HERC5: variants seen among roughly 807,000 people sequenced by gnomAD.
HERC5 encodes the protein HECT and RLD domain containing E3 ubiquitin protein ligase 5.
HERC5 carries 99 observed loss-of-function variants against 119.6 expected under a neutral mutation model. That is an observed-to-expected ratio of 0.83 (90% CI 0.70 to 0.98). The LOEUF is 0.98. HERC5 is among the 50% of genes least tolerant of loss of function. The probability of loss-of-function intolerance (pLI) is 0.00; values close to 1 mark genes in which losing one functional copy is unlikely to be tolerated. For missense variants in HERC5, 1,267 were observed against 1,241.3 expected (o/e 1.02, Z -0.31); for synonymous variants, 478 against 445.9 (o/e 1.07, Z -0.91).
Position 88,459,429 on chromosome 4 carries a change from A to G in HERC5, c.348A>G (p.Gly116=). The G allele has an allele frequency of 6.3e-7, 1 of 1,591,698 alleles. No homozygotes were observed. The highest frequency in any genetic ancestry group is 8.6e-7 in the Non-Finnish European group (1 of 1,169,380). Reference sequence around the variant, plus strand: ...ACATGCTGATTCTCTCATCAGATGGAAAACCATTTGAGTATGACAACTATA... The same window carrying G: ...ACATGCTGATTCTCTCATCAGATGGGAAACCATTTGAGTATGACAACTATA... The part of the protein sequence containing the change: ...AEHMLILSSD[G]KPFEYDNYSM... The change falls in exon 2 of 23, where the codon GGA becomes GGG. Residue 116 remains glycine (G), a synonymous_variant. Transcript: ENST00000264350.
chr4:88,472,294 A>T (rs1163576803), intron 10 of HERC5, 115 bp from the exon 11 acceptor site: 1 of 667,988 alleles, frequency 1.5e-6, no homozygotes, highest in African/African-American at 1.8e-5. Flanking sequence ...ACAATTTATT[A>T]TAGTTACACA....
At chr4:88,459,232 A>G (rs935255651) in intron 1 of HERC5, 115 bp from the exon 2 acceptor site, 1 of 852,896 alleles carries the variant, frequency 1.2e-6, no homozygotes, top group Non-Finnish European at 1.7e-6. Context: ...ATGGTAAGTC[A>G]AAGCTTGTCT....
At chr4:88,491,886 C>T (rs1741650044) in intron 16 of HERC5, among the ~76,000 whole-genome samples, 1 of 152,116 alleles carries the variant, frequency 6.6e-6, no homozygotes, top group African/African-American at 2.4e-5. Context: ...GTTATGATAG[C>T]ATCCTCTTGG....
At position 88,505,672 on chromosome 4, in the gene HERC5, G is replaced by A. The variant is rs1275843780; in HGVS notation, c.2870-1G>A. 2 of 1,490,222 alleles carry A rather than the reference G, an allele frequency of 1.3e-6. No individual in the cohort carries two copies. The highest frequency in any genetic ancestry group is 1.8e-5 in the Admixed American group (1 of 55,214). The allele number at this position is 1,490,222 out of a possible 1,614,324, so 92.3% of individuals were successfully genotyped here. ...TTGCCTAATTTTATTCTTCTTTTTA[G>A]TATTTCTTACAGGAACTGACAGACT... On this transcript the variant is annotated splice_acceptor_variant, in intron 22 of 22. Transcript: ENST00000264350. LOFTEE classifies it high-confidence loss of function.
intron 18 of HERC5, among the ~76,000 whole-genome samples, chr4:88,496,446 G>T (rs1232498126): frequency 1.3e-5 from 2 of 152,218 alleles, no homozygotes; most frequent in Admixed American, 6.5e-5. Context: ...TATGATATTG[G>T]TGCAGGTTTT....
At chr4:88,465,603 G>T (rs549759499) in intron 6 of HERC5, among the ~76,000 whole-genome samples, 4 of 152,102 alleles carry the variant, frequency 2.6e-5, no homozygotes, top group Non-Finnish European at 5.9e-5. Flanking sequence ...CACCTCTTTG[G>T]ATTCTTCATT....
chr4:88,468,466 C>A (rs751737341), intron 8 of HERC5, 44 bp downstream of exon 8: 1 of 1,346,214 alleles, frequency 7.4e-7, no homozygotes, highest in African/African-American at 1.5e-5. Context: ...GTATTTTAAG[C>A]AAAACTAAGG....
Position 88,504,257 on chromosome 4 carries a change from A to G in HERC5, c.2608A>G (p.Asn870Asp). Residue 870 changes from asparagine to aspartate, a missense_variant, in exon 21 of 23, where the codon AAT becomes GAT. Physicochemically the swap from Asn to Asp is conservative, Grantham distance 23. This residue lies in a region of HERC5 where 473 missense variants were observed against 445.7 expected (regional missense o/e 1.06). Coordinates refer to ENST00000264350, the MANE Select transcript of HERC5 (RefSeq NM_016323.4). ...GAGAGACTATGTTTCTAAGTATATC[A>G]ATTACATTTTCAACGACTCTGTAAA... is the stretch of plus-strand genomic sequence containing the variant. ...NKRDYVSKYI[N>D]YIFNDSVKAV... is the part of the protein sequence containing the mutation. The G allele has an allele frequency of 1.2e-6, 2 of 1,605,090 alleles. No individual in the cohort carries two copies. The highest frequency in any genetic ancestry group is 1.7e-6 in the Non-Finnish European group (2 of 1,173,338).
chr4:88,490,580 A>G (rs1000724414), intron 16 of HERC5, among the ~76,000 whole-genome samples: 1 of 152,214 alleles, frequency 6.6e-6, no homozygotes, highest in African/African-American at 2.4e-5. Context: ...ACAGTGGCTC[A>G]TGCCTGTAAT....
Position 88,489,334 on chromosome 4 carries a change from T to C in HERC5, c.2131T>C (p.Trp711Arg). The C allele has an allele frequency of 2.5e-6, 4 of 1,606,354 alleles. No individual in the cohort carries two copies. Among genetic ancestry groups the C allele is most frequent in the South Asian group, 2.2e-5 (2 of 89,138 alleles). Residue 711 changes from tryptophan (W) to arginine (R), a missense_variant and splice_region_variant, in exon 16 of 23, where the codon TGG becomes CGG. Trp to Arg is a moderately radical substitution (Grantham distance 101). Coordinates refer to ENST00000264350, the MANE Select transcript of HERC5 (RefSeq NM_016323.4). Reference sequence around the variant, plus strand: ...GAATGAAGACCTGAGGAAAGAGTTATGGGTAAGGTGTAATTCTCACTTAAT... The same window carrying C: ...GAATGAAGACCTGAGGAAAGAGTTACGGGTAAGGTGTAATTCTCACTTAAT... ...FENEDLRKEL[W>R]VSFSGEIGYD... is the part of the protein sequence containing the mutation.
In HERC5 at chr4:88,493,203, C is replaced by T. The variant is rs371148333; in HGVS notation, c.2277+48C>T. 2.6e-6 allele frequency: 4 copies of T among 1,542,166 alleles called. No individual in the cohort carries two copies. The African/African-American group carries it at 4.1e-5, about 16-fold the overall frequency. On this transcript the variant is annotated intron_variant, in intron 17 of 22. Transcript: ENST00000264350. ...AAGGTATTTTGCGACAGAAAAAGTA[C>T]ACCATATACCATAGAAAATTAGTTT...
intron 7 of HERC5, chr4:88,468,024 A>G (rs2149090722): frequency 3.0e-6 from 1 of 329,476 alleles, no homozygotes; most frequent in East Asian, 1.5e-4. Context: ...AATCTTGAAA[A>G]CATGGTTTTT....
At chr4:88,477,164 AATAGATAG>A (rs1042849689) in intron 12 of HERC5, among the ~76,000 whole-genome samples, 8 of 136,680 alleles carry the variant, frequency 5.9e-5, no homozygotes, top group Non-Finnish European at 9.3e-5. Context: ...ATAATCAGTC[AATAGATAG>A]ATAGATAGAT....
chr4:88,498,520 C>G (rs1741862485), intron 18 of HERC5, among the ~76,000 whole-genome samples: 1 of 152,090 alleles, frequency 6.6e-6, no homozygotes, highest in East Asian at 1.9e-4. Flanking sequence ...TTCTGTTATT[C>G]CCTTTTGAAA....
At chr4:88,492,249 C>G (rs984388720) in intron 16 of HERC5, among the ~76,000 whole-genome samples, 9 of 151,748 alleles carry the variant, frequency 5.9e-5, no homozygotes, top group African/African-American at 1.9e-4. Context: ...CATGATCCGC[C>G]CACCTCGGCC....
At chr4:88,482,251 A>G (rs1160256394) in intron 13 of HERC5, among the ~76,000 whole-genome samples, 4 of 150,968 alleles carry the variant, frequency 2.6e-5, no homozygotes, top group Non-Finnish European at 5.9e-5. Context: ...CAGAGGTTGT[A>G]GTGAGCCAAG....
At chr4:88,488,853 G>A (rs1741547748) in intron 15 of HERC5, among the ~76,000 whole-genome samples, 1 of 152,124 alleles carries the variant, frequency 6.6e-6, no homozygotes, top group Non-Finnish European at 1.5e-5. Flanking sequence ...CTGTTAATAA[G>A]TAGCTTTGGT....
At chr4:88,494,397 A>T (rs1045986697) in intron 18 of HERC5, 66 bp downstream of exon 18, 1 of 1,284,534 alleles carries the variant, frequency 7.8e-7, no homozygotes, top group African/African-American at 1.5e-5. Flanking sequence ...ATTTAAGTAC[A>T]CACGCTTCAT....
intron 13 of HERC5, among the ~76,000 whole-genome samples, chr4:88,484,429 C>T (rs530831889): frequency 6.6e-6 from 1 of 151,032 alleles, no homozygotes; most frequent in East Asian, 1.9e-4. Flanking sequence ...TTTTCTTCTG[C>T]CAGGCTCCTA....
Sources: allele counts gnomAD v4.1 joint callset (sites outside exome capture counted in the v4.1 genomes callset), GRCh38; gene constraint gnomAD v4.1.1; regional missense constraint gnomAD v4.1.1; transcripts MANE v1.5; gene names NCBI Gene and HGNC (gene_info 2026-07-23, HGNC 2026-07-21).